Variants in PCDH11X observed in about 807,000 individuals in gnomAD.
The protein encoded by PCDH11X is protocadherin 11 X-linked.
A neutral mutation model predicts 53.3 loss-of-function variants in PCDH11X; 18 were observed. The ratio of observed to expected loss-of-function variants is 0.34; its 90% confidence interval spans 0.23 to 0.50. The LOEUF (loss-of-function observed/expected upper bound fraction) is 0.50. Ranked by LOEUF, PCDH11X falls within the 20% of genes least tolerant of loss-of-function variation. PCDH11X has a pLI of 0.98. For synonymous variants in PCDH11X, 279 were observed against 393.3 expected (o/e 0.71, Z 3.44); for missense variants, 570 against 1,032.4 (o/e 0.55, Z 6.14).
At chrX:92,230,467 T>C (rs1332353587) in intron 7 of PCDH11X, among the ~76,000 whole-genome samples, 1 of 90,727 alleles carries the variant, frequency 1.1e-5, no homozygotes. Context: ...ATAAAATATA[T>C]ATTATATATA....
intron 10 of PCDH11X, among the ~76,000 whole-genome samples, chrX:92,588,455 G>A (rs1924650607): frequency 9.7e-6 from 1 of 103,407 alleles, no homozygotes; most frequent in Non-Finnish European, 2.0e-5. Flanking sequence ...TTAACAAAGA[G>A]CTTGAAATAA....
chrX:92,029,221 A>G (rs573628015), intron 6 of PCDH11X, among the ~76,000 whole-genome samples: 2 of 111,622 alleles, frequency 1.8e-5, no homozygotes, highest in East Asian at 5.7e-4. Flanking sequence ...GAGCAAGTTG[A>G]CTGATGGCAA....
intron 10 of PCDH11X, among the ~76,000 whole-genome samples, chrX:92,568,877 C>A (rs1388975039): frequency 1.8e-5 from 2 of 111,131 alleles, no homozygotes; most frequent in East Asian, 2.8e-4. Context: ...TTTCTAAATT[C>A]CCAGTCTGAA....
In PCDH11X at chrX:92,618,660, T is replaced by A. The variant is rs1416620718; in HGVS notation, c.3764T>A (p.Ile1255Asn). Residue 1255 changes from isoleucine to asparagine, a missense_variant, in exon 11 of 11, where the codon ATC becomes AAC. By Grantham distance (149) the Ile-to-Asn change is moderately radical. Transcript: ENST00000682573. Reference protein sequence around the residue: ...YSPPLAQAAAISHSSPLPQVI... With the variant: ...YSPPLAQAAANSHSSPLPQVI... ...CCTCCTTTAGCACAGGCTGCTGCAATCAGCCACAGCTCTCCTCTGCCACAG... is the reference window on the plus strand; with the variant it reads ...CCTCCTTTAGCACAGGCTGCTGCAAACAGCCACAGCTCTCCTCTGCCACAG... 1 of 1,212,051 alleles carries A rather than the reference T, an allele frequency of 8.3e-7. No homozygotes were observed. The highest frequency in any genetic ancestry group is 2.2e-5 in the Admixed American group (1 of 46,089).
At chrX:92,580,782 C>T (rs956333496) in intron 10 of PCDH11X, among the ~76,000 whole-genome samples, 5 of 111,723 alleles carry the variant, frequency 4.5e-5, no homozygotes, top group African/African-American at 6.5e-5. Flanking sequence ...TCCTGATCAG[C>T]GGGTTGCATA....
chrX:92,164,177 G>A (rs2065692282), intron 6 of PCDH11X, among the ~76,000 whole-genome samples: 1 of 111,534 alleles, frequency 9.0e-6, no homozygotes, highest in Non-Finnish European at 1.9e-5. Flanking sequence ...TTATGACACG[G>A]GCTTCTTCTT....
chrX:91,940,099 A>T (rs1017384662), intron 6 of PCDH11X, among the ~76,000 whole-genome samples: 3 of 110,080 alleles, frequency 2.7e-5, no homozygotes, highest in Non-Finnish European at 5.7e-5. Flanking sequence ...CCCCCTTGTT[A>T]TTGTCCTTGT....
Position 91,876,870 on chromosome X carries a change from A to G in PCDH11X, c.630A>G (p.Glu210=). 9 of 1,210,985 alleles carry G rather than the reference A, an allele frequency of 7.4e-6. No homozygotes were observed. Among genetic ancestry groups the G allele is most frequent in the Non-Finnish European group, 1.0e-5 (9 of 895,114 alleles). The change falls in exon 6 of 11, where the codon GAA becomes GAG. Residue 210 remains glutamate, a synonymous_variant. Transcript: ENST00000682573. ...QLIVQKELDR[E]EKDTYVMKVK... ...TTGTTCAAAAGGAGTTAGATAGGGA[A>G]GAGAAGGATACCTACGTGATGAAAG...
intron 7 of PCDH11X, among the ~76,000 whole-genome samples, chrX:92,255,977 C>G (rs1012499650): frequency 2.7e-5 from 3 of 112,372 alleles, no homozygotes; most frequent in African/African-American, 6.5e-5. Context: ...TGGAGCTTCC[C>G]AGCTGCTTTG....
At chrX:91,835,278 T>G in intron 4 of PCDH11X, 183 bp from the exon 5 acceptor site, 1 of 1,113,016 alleles carries the variant, frequency 9.0e-7, no homozygotes, top group Non-Finnish European at 1.2e-6. Context: ...ATCTTTATTC[T>G]TAATGTACGA....
At chrX:92,480,554 G>T (rs1764331116) in intron 10 of PCDH11X, among the ~76,000 whole-genome samples, 1 of 109,821 alleles carries the variant, frequency 9.1e-6, no homozygotes. Flanking sequence ...GCCCTTGAGG[G>T]TTTGGTTGTG....
intron 8 of PCDH11X, among the ~76,000 whole-genome samples, chrX:92,325,201 T>A (rs1375594653): frequency 9.1e-6 from 1 of 110,451 alleles, no homozygotes; most frequent in Non-Finnish European, 1.9e-5. Context: ...TATTTGGAGA[T>A]GGTCTTGTAC....
chrX:92,257,206 A>C (rs780660574), intron 7 of PCDH11X, among the ~76,000 whole-genome samples: 185 of 111,365 alleles, frequency 1.7e-3, no homozygotes, highest in Non-Finnish European at 2.9e-3. Flanking sequence ...ATAACTCACT[A>C]TCATGAGAGT....
chrX:92,418,372 A>G (rs969259330), intron 9 of PCDH11X, among the ~76,000 whole-genome samples: 25 of 111,172 alleles, frequency 2.2e-4, no homozygotes, highest in African/African-American at 7.8e-4. Flanking sequence ...TCCTGGAGGC[A>G]ACAGCAGATA....
chrX:92,317,869 G>GAGA lies in PCDH11X; in HGVS notation c.3144+54726_3144+54727insAGA, dbSNP rs2069114386. ...ATAATAATTACCTTCTCAGATTACTGTTAGCATTCAGTATAATGTTAGACT... is the reference window on the plus strand; with the variant it reads ...ATAATAATTACCTTCTCAGATTACTGAGATTAGCATTCAGTATAATGTTAGACT... On this transcript the variant is annotated intron_variant, in intron 8 of 10. Coordinates refer to ENST00000682573, the MANE Select transcript of PCDH11X (RefSeq NM_032968.5). 7.2e-5 allele frequency among the ~76,000 whole-genome samples: 8 copies of GAGA among 111,033 alleles called. No individual in the cohort carries two copies. In the Admixed American group the frequency reaches 7.7e-4, roughly 11 times the overall value.
At chrX:92,039,279 T>C in intron 6 of PCDH11X, among the ~76,000 whole-genome samples, 1 of 111,579 alleles carries the variant, frequency 9.0e-6, no homozygotes, top group Non-Finnish European at 1.9e-5. Context: ...AATCCAGCCA[T>C]GTTTGTGACC....
At chrX:92,529,429 T>C (rs1194335949) in intron 10 of PCDH11X, among the ~76,000 whole-genome samples, 2 of 109,745 alleles carry the variant, frequency 1.8e-5, no homozygotes, top group African/African-American at 6.6e-5. Context: ...ACTTCTCTAT[T>C]ATTTGTGTTC....
chrX:92,613,330 G>A (rs909482791), intron 10 of PCDH11X, among the ~76,000 whole-genome samples: 12 of 110,643 alleles, frequency 1.1e-4, no homozygotes, highest in Non-Finnish European at 1.9e-4. Context: ...CTGTAAAATC[G>A]TTTGTTTCTC....
chrX:91,847,129 A>G (rs888167714), intron 5 of PCDH11X, among the ~76,000 whole-genome samples: 5 of 108,079 alleles, frequency 4.6e-5, no homozygotes, highest in African/African-American at 1.8e-4. Flanking sequence ...TAAAGAATGA[A>G]TTATCTTTGT....
Sources: allele counts gnomAD v4.1 joint callset (sites outside exome capture counted in the v4.1 genomes callset), GRCh38; gene constraint gnomAD v4.1.1; transcripts MANE v1.5; gene names NCBI Gene and HGNC (gene_info 2026-07-23, HGNC 2026-07-21).